PPP6R3: variants seen among roughly 807,000 people sequenced by gnomAD.
PPP6R3 encodes serine/threonine-protein phosphatase 6 regulatory subunit 3.
PPP6R3 carries 38 observed loss-of-function variants against 110.7 expected under a neutral mutation model. The ratio of observed to expected loss-of-function variants is 0.34; its 90% CI spans 0.26 to 0.45. The LOEUF is 0.45. Ranked by LOEUF, PPP6R3 falls within the 20% of genes least tolerant of loss-of-function variation. The pLI is 1.00. For missense variants in PPP6R3, 870 were observed against 1,062.4 expected (o/e 0.82, Z 2.52); for synonymous variants, 369 against 373.5 (o/e 0.99, Z 0.14).
At chr11:68,612,237 G>A (rs992705553) in intron 23 of PPP6R3, among the ~76,000 whole-genome samples, 1 of 151,680 alleles carries the variant, frequency 6.6e-6, no homozygotes, top group Non-Finnish European at 1.5e-5. Flanking sequence ...ACCATCAGAT[G>A]TAAGTAAGTG....
chr11:68,551,235 AAAC>A (rs771915768), intron 6 of PPP6R3, 49 bp downstream of exon 6: 4 of 1,422,454 alleles, frequency 2.8e-6, no homozygotes, highest in African/African-American at 1.4e-5. Context: ...AAAAAACAAA[AAAC>A]TGTTTATTGG....
At chr11:68,529,638 T>G (rs1056849391) in intron 2 of PPP6R3, among the ~76,000 whole-genome samples, 6 of 152,210 alleles carry the variant, frequency 3.9e-5, no homozygotes, top group African/African-American at 1.4e-4. Context: ...AAAACTTTCT[T>G]GTTATTGCTA....
chr11:68,496,741 G>C (rs2099018550), intron 1 of PPP6R3, among the ~76,000 whole-genome samples: 1 of 151,946 alleles, frequency 6.6e-6, no homozygotes, highest in African/African-American at 2.4e-5. Context: ...AAAGTACTGG[G>C]ATTACAATTA....
At chr11:68,485,155 ATTTTT>A (rs993928423) in intron 1 of PPP6R3, among the ~76,000 whole-genome samples, 5 of 148,688 alleles carry the variant, frequency 3.4e-5, no homozygotes, top group African/African-American at 1.2e-4. Context: ...AATATAAATA[ATTTTT>A]TTTTTATTTT....
At chr11:68,534,188 C>T (rs974972224) in intron 2 of PPP6R3, among the ~76,000 whole-genome samples, 1 of 152,084 alleles carries the variant, frequency 6.6e-6, no homozygotes, top group Admixed American at 6.6e-5. Flanking sequence ...GGGCAGGGCG[C>T]AAGGGCTGTG....
At chr11:68,534,991 A>G (rs1223202744) in intron 2 of PPP6R3, among the ~76,000 whole-genome samples, 1 of 152,208 alleles carries the variant, frequency 6.6e-6, no homozygotes, top group Non-Finnish European at 1.5e-5. Flanking sequence ...ATTAGTATCA[A>G]ATGGCATAAT....
chr11:68,608,709 G>A (rs550903747), intron 22 of PPP6R3, among the ~76,000 whole-genome samples: 2 of 152,298 alleles, frequency 1.3e-5, no homozygotes, highest in Non-Finnish European at 2.9e-5. Context: ...CAGTCAGTGG[G>A]GACAGTGGGT....
intron 1 of PPP6R3, among the ~76,000 whole-genome samples, chr11:68,486,025 A>G (rs1301261045): frequency 6.6e-6 from 1 of 151,988 alleles, no homozygotes; most frequent in East Asian, 1.9e-4. Flanking sequence ...ACAAGAAAAA[A>G]AAAAAAGCTA....
At chr11:68,474,491 T>C (rs2098814440) in intron 1 of PPP6R3, among the ~76,000 whole-genome samples, 1 of 152,260 alleles carries the variant, frequency 6.6e-6, no homozygotes, top group African/African-American at 2.4e-5. Flanking sequence ...ATGATTTATG[T>C]GTCCATGTTC....
chr11:68,572,588 G>T (rs1376475757), intron 12 of PPP6R3, among the ~76,000 whole-genome samples: 1 of 152,144 alleles, frequency 6.6e-6, no homozygotes, highest in Non-Finnish European at 1.5e-5. Flanking sequence ...GGTGGGAGAT[G>T]CCTGTAATCC....
intron 1 of PPP6R3, among the ~76,000 whole-genome samples, chr11:68,484,337 A>C (rs1360334866): frequency 6.6e-6 from 1 of 152,192 alleles, no homozygotes; most frequent in Non-Finnish European, 1.5e-5. Context: ...GCAATGAATG[A>C]GAGTTCCTCT....
chr11:68,478,500 C>T (rs966865471), intron 1 of PPP6R3, among the ~76,000 whole-genome samples: 3 of 151,968 alleles, frequency 2.0e-5, no homozygotes, highest in African/African-American at 7.3e-5. Context: ...CTTTTGGTTA[C>T]TATTTGCCTT....
intron 1 of PPP6R3, among the ~76,000 whole-genome samples, chr11:68,469,676 G>A (rs1268587216): frequency 6.6e-6 from 1 of 151,974 alleles, no homozygotes; most frequent in Non-Finnish European, 1.5e-5. Context: ...ACCATGCCTG[G>A]CCTCTAATCT....
chr11:68,552,536 A>C (rs1359716295), intron 6 of PPP6R3, among the ~76,000 whole-genome samples: 1 of 152,212 alleles, frequency 6.6e-6, no homozygotes, highest in African/African-American at 2.4e-5. Flanking sequence ...CATCCAGTGC[A>C]GACATGGATT....
In PPP6R3 at chr11:68,613,083, C is replaced by T. The variant is rs770891082; in HGVS notation, c.2588C>T (p.Ala863Val). The change falls in exon 24 of 24, where the codon GCA becomes GTA. Residue 863 changes from alanine (A) to valine (V), a missense_variant. Ala to Val is a moderately conservative substitution (Grantham distance 64, BLOSUM62 0). Transcript: ENST00000393800. ...CTCCTTAGGACTGGCCAACCAAGCGCACCAGGTGACACTTCAGTGAATGGC... is the reference window on the plus strand; with the variant it reads ...CTCCTTAGGACTGGCCAACCAAGCGTACCAGGTGACACTTCAGTGAATGGC... ...SPEQRTGQPS[A>V]PGDTSVNGPV is the part of the protein sequence containing the mutation. 1 of 1,614,158 alleles carries T rather than the reference C, an allele frequency of 6.2e-7. No homozygotes were observed. The highest frequency in any genetic ancestry group is 1.1e-5 in the South Asian group (1 of 91,080).
intron 1 of PPP6R3, among the ~76,000 whole-genome samples, chr11:68,487,022 C>T (rs1286621584): frequency 6.6e-6 from 1 of 151,984 alleles, no homozygotes; most frequent in Non-Finnish European, 1.5e-5. Flanking sequence ...TTGTTGTTTC[C>T]TGAAAACCAC....
At chr11:68,493,373 CTATT>C (rs1486726737) in intron 1 of PPP6R3, among the ~76,000 whole-genome samples, 3 of 152,130 alleles carry the variant, frequency 2.0e-5, no homozygotes, top group East Asian at 3.9e-4. Context: ...ATTTCTCCCT[CTATT>C]TCATAAATTT....
chr11:68,531,045 G>A (rs542540829), intron 2 of PPP6R3, among the ~76,000 whole-genome samples: 1 of 152,246 alleles, frequency 6.6e-6, no homozygotes, highest in African/African-American at 2.4e-5. Flanking sequence ...AAAACCCACT[G>A]ATATCAACTT....
intron 6 of PPP6R3, among the ~76,000 whole-genome samples, chr11:68,553,012 A>G (rs1262968248): frequency 3.3e-5 from 5 of 152,158 alleles, no homozygotes; most frequent in Non-Finnish European, 7.3e-5. Flanking sequence ...TTAAAATTAT[A>G]CTGGCCAGTT....
Sources: allele counts gnomAD v4.1 joint callset (sites outside exome capture counted in the v4.1 genomes callset), GRCh38; gene constraint gnomAD v4.1.1; transcripts MANE v1.5; gene names NCBI Gene and HGNC (gene_info 2026-07-23, HGNC 2026-07-21).